CDH18: variants seen among roughly 807,000 people sequenced by gnomAD.
CDH18 encodes cadherin-18.
Under a neutral mutation model 67.9 loss-of-function variants are expected in CDH18, and 31 were observed. The observed-to-expected ratio is 0.46, with a 90% CI of 0.34 to 0.62. The LOEUF (loss-of-function observed/expected upper bound fraction) is 0.62, where lower values mean the gene tolerates loss of function less well. CDH18 is among the 20% of genes least tolerant of loss of function. CDH18 has a pLI of 0.01. For synonymous variants in CDH18, 362 were observed against 347.2 expected, an observed-to-expected ratio of 1.04 and a Z score of -0.48; for missense variants, 890 against 975.5, an observed-to-expected ratio of 0.91 and a Z score of 1.17.
chr5:19,590,609 T>C (rs1383992041), intron 7 of CDH18, among the ~76,000 whole-genome samples: 1 of 152,088 alleles, frequency 6.6e-6, no homozygotes, highest in Admixed American at 6.6e-5. Context: ...TCTAAATAGT[T>C]CTACTGTAGA....
chr5:19,896,349 C>A (rs545649004), intron 2 of CDH18, among the ~76,000 whole-genome samples: 2 of 152,058 alleles, frequency 1.3e-5, no homozygotes, highest in Admixed American at 1.3e-4. Context: ...AACTCCCTCT[C>A]AAAAAGATAA....
chr5:20,441,723 A>G (rs1196320600), intron 1 of CDH18, among the ~76,000 whole-genome samples: 1 of 151,770 alleles, frequency 6.6e-6, no homozygotes, highest in Non-Finnish European at 1.5e-5. Flanking sequence ...TATCATTATT[A>G]TTTTGTTTTT....
chr5:20,245,930 AG>A (rs1276739569), intron 2 of CDH18, among the ~76,000 whole-genome samples: 1 of 152,156 alleles, frequency 6.6e-6, no homozygotes, highest in Admixed American at 6.5e-5. Context: ...TTAAGCAGAA[AG>A]GGACAGTGTG....
At chr5:19,633,124 T>C (rs1320902647) in intron 5 of CDH18, among the ~76,000 whole-genome samples, 1 of 152,252 alleles carries the variant, frequency 6.6e-6, no homozygotes, top group Admixed American at 6.5e-5. Context: ...ATTTCTGTGA[T>C]GCTTCTTTCT....
chr5:20,343,840 G>T (rs908258111), intron 1 of CDH18, among the ~76,000 whole-genome samples: 1 of 151,992 alleles, frequency 6.6e-6, no homozygotes, highest in Non-Finnish European at 1.5e-5. Context: ...ATTGACAAAC[G>T]AGTATCCTCA....
intron 2 of CDH18, among the ~76,000 whole-genome samples, chr5:20,248,263 CA>C (rs10718323): frequency 0.3 from 45,266 of 151,856 alleles, 7,383 homozygotes; most frequent in Non-Finnish European, 0.37. Context: ...GTTGAGTAAG[CA>C]AAAAGAGATG....
intron 6 of CDH18, among the ~76,000 whole-genome samples, chr5:19,609,016 G>A (rs1032541480): frequency 6.6e-6 from 1 of 151,884 alleles, no homozygotes; most frequent in African/African-American, 2.4e-5. Flanking sequence ...TATGGTTTGT[G>A]CAGAATAAAT....
At chr5:19,615,452 T>C (rs1362679471) in intron 5 of CDH18, among the ~76,000 whole-genome samples, 2 of 152,172 alleles carry the variant, frequency 1.3e-5, no homozygotes, top group South Asian at 2.1e-4. Context: ...AATTCCCATA[T>C]ACCCTTTACT....
intron 1 of CDH18, among the ~76,000 whole-genome samples, chr5:20,442,935 C>T (rs376616296): frequency 1.6e-4 from 24 of 151,746 alleles, no homozygotes; most frequent in African/African-American, 3.2e-4. Flanking sequence ...CTTGGCCGGG[C>T]GCGGTGGCTC....
At chr5:20,376,840 A>G (rs1018961993) in intron 1 of CDH18, among the ~76,000 whole-genome samples, 1 of 151,870 alleles carries the variant, frequency 6.6e-6, no homozygotes, top group Non-Finnish European at 1.5e-5. Flanking sequence ...AACATGGTGA[A>G]ACCCCATCTC....
At chr5:20,412,770 A>G (rs1361985556) in intron 1 of CDH18, among the ~76,000 whole-genome samples, 3 of 152,206 alleles carry the variant, frequency 2.0e-5, no homozygotes, top group Non-Finnish European at 4.4e-5. Context: ...TTCAAATTAA[A>G]GCCACAATGA....
chr5:20,012,238 T>C (rs965099478), intron 2 of CDH18, among the ~76,000 whole-genome samples: 2 of 152,006 alleles, frequency 1.3e-5, no homozygotes, highest in Non-Finnish European at 2.9e-5. Flanking sequence ...GTGTTTATAA[T>C]ATTCTCTGTT....
intron 12 of CDH18, 106 bp from the exon 13 acceptor site, chr5:19,473,822 TC>T: frequency 1.1e-6 from 1 of 936,366 alleles, no homozygotes; most frequent in Non-Finnish European, 1.6e-6. Flanking sequence ...TTAACCACAT[TC>T]CAGAGTTAGG....
intron 5 of CDH18, among the ~76,000 whole-genome samples, chr5:19,677,383 G>A (rs1028055239): frequency 2.0e-5 from 3 of 152,004 alleles, no homozygotes; most frequent in Non-Finnish European, 4.4e-5. Flanking sequence ...CACCAGAACT[G>A]CCTTAAAGAA....
chr5:20,488,343 G>A (rs1377057419), intron 1 of CDH18, among the ~76,000 whole-genome samples: 7 of 151,980 alleles, frequency 4.6e-5, no homozygotes, highest in South Asian at 2.1e-4. Flanking sequence ...GGATTTTCAC[G>A]TACCCTTTTA....
chr5:19,698,748 AAGAG>A (rs1159401558), intron 5 of CDH18, among the ~76,000 whole-genome samples: 1 of 152,084 alleles, frequency 6.6e-6, no homozygotes, highest in African/African-American at 2.4e-5. Context: ...AAAGATGTGG[AAGAG>A]AGAGAGAAAG....
chr5:19,639,322 T>C (rs542107082), intron 5 of CDH18, among the ~76,000 whole-genome samples: 2 of 152,062 alleles, frequency 1.3e-5, no homozygotes, highest in Admixed American at 1.3e-4. Context: ...AAGTTTAACA[T>C]AGTAAGGAAG....
rs550159975 is a variant in CDH18 at position 19,612,354 on chromosome 5, CAT to C, written c.811+78_811+79del. The C allele has an allele frequency of 1.1e-5, 15 of 1,376,640 alleles. No homozygotes were observed. The African/African-American group carries it at 1.6e-4, about 14-fold the overall frequency. The allele number at this position is 1,376,640 out of a possible 1,614,324, so 85.3% of individuals were successfully genotyped here. Reference sequence around the variant, plus strand: ...ACAATTCCACTTAAGAAAACAGTAACATAACACTGTTCAAGTATTTCATTTTA... The same window carrying C: ...ACAATTCCACTTAAGAAAACAGTAACAACACTGTTCAAGTATTTCATTTTA... On this transcript the variant is annotated intron_variant, in intron 6 of 12. Transcript: ENST00000382275.
At chr5:20,302,665 T>C (rs1359475607) in intron 1 of CDH18, among the ~76,000 whole-genome samples, 1 of 152,204 alleles carries the variant, frequency 6.6e-6, no homozygotes, top group Non-Finnish European at 1.5e-5. Context: ...CTAAAGACTG[T>C]AGTTTTTAAA....
Sources: gnomAD v4.1 joint callset for allele counts (sites outside exome capture counted in the v4.1 genomes callset) on GRCh38, gnomAD v4.1.1 for gene constraint, MANE v1.5 for transcripts, NCBI Gene and HGNC (gene_info 2026-07-23, HGNC 2026-07-21) for gene names.